The following FOXP1 variants were observed in gnomAD, a reference collection of about 807,000 sequenced individuals.
The protein encoded by FOXP1 is forkhead box P1, also known as forkhead box protein P1.
Under a neutral mutation model 98.2 loss-of-function variants are expected in FOXP1, and 15 were observed. The observed-to-expected ratio is 0.15, with a 90% CI of 0.10 to 0.24. The LOEUF (loss-of-function observed/expected upper bound fraction) is 0.24, where lower values mean the gene tolerates loss of function less well. FOXP1 is among the 10% of genes least tolerant of loss of function. The probability of loss-of-function intolerance (pLI) is 1.00; values close to 1 mark genes in which losing one functional copy is unlikely to be tolerated. For synonymous variants in FOXP1, 371 were observed against 314.5 expected (o/e 1.18, Z -1.90); for missense variants, 633 against 848.5 (o/e 0.75, Z 3.15).
At chr3:71,192,547 T>G (rs917548801) in intron 6 of FOXP1, among the ~76,000 whole-genome samples, 21 of 152,264 alleles carry the variant, frequency 1.4e-4, no homozygotes, top group Admixed American at 7.8e-4. Flanking sequence ...ACAGCTTTCT[T>G]CTTCTACTCA....
intron 6 of FOXP1, among the ~76,000 whole-genome samples, chr3:71,146,211 C>T (rs1472837358): frequency 6.6e-6 from 1 of 152,126 alleles, no homozygotes; most frequent in Non-Finnish European, 1.5e-5. Context: ...GATGTCTTCC[C>T]GTCCTCTGTT....
chr3:71,223,831 T>C (rs926994414), intron 5 of FOXP1, among the ~76,000 whole-genome samples: 5 of 152,292 alleles, frequency 3.3e-5, no homozygotes, highest in African/African-American at 9.6e-5. Context: ...GAGTACCCCA[T>C]TACTGCTTCA....
intron 5 of FOXP1, among the ~76,000 whole-genome samples, chr3:71,272,301 C>T (rs1352683613): frequency 6.6e-6 from 1 of 152,156 alleles, no homozygotes; most frequent in African/African-American, 2.4e-5. Context: ...AAATAATATG[C>T]ACAATTTTCT....
chr3:71,542,328 T>C (rs1196312484), intron 2 of FOXP1, among the ~76,000 whole-genome samples: 1 of 152,170 alleles, frequency 6.6e-6, no homozygotes, highest in Non-Finnish European at 1.5e-5. Flanking sequence ...CCCAATGTAA[T>C]AAGCTTTTGA....
At chr3:71,120,011 G>T (rs961606535) in intron 6 of FOXP1, among the ~76,000 whole-genome samples, 2 of 152,204 alleles carry the variant, frequency 1.3e-5, no homozygotes, top group Non-Finnish European at 2.9e-5. Flanking sequence ...TTCAAAGAAA[G>T]ATTCCAATAC....
chr3:71,268,017 C>CA (rs377710886), intron 5 of FOXP1, among the ~76,000 whole-genome samples: 1,757 of 94,940 alleles, frequency 0.019, 25 homozygotes, highest in Non-Finnish European at 0.022. Flanking sequence ...GACTCCGTCT[C>CA]AAAAAAAAAA....
At chr3:71,220,442 G>C (rs1158311252) in intron 5 of FOXP1, among the ~76,000 whole-genome samples, 1 of 152,132 alleles carries the variant, frequency 6.6e-6, no homozygotes, top group African/African-American at 2.4e-5. Context: ...CACTTGAAAG[G>C]GAATGAGTCA....
chr3:71,388,124 G>A (rs1356373638), intron 3 of FOXP1, among the ~76,000 whole-genome samples: 1 of 151,994 alleles, frequency 6.6e-6, no homozygotes, highest in Non-Finnish European at 1.5e-5. Context: ...TAGACTCATC[G>A]TAAATCATTT....
At chr3:71,278,701 G>T (rs1390189846) in intron 5 of FOXP1, among the ~76,000 whole-genome samples, 12 of 152,162 alleles carry the variant, frequency 7.9e-5, no homozygotes, top group Admixed American at 7.9e-4. Context: ...GAATCCACTT[G>T]AACATGGGAG....
chr3:71,047,141 A>G (rs781537304), intron 9 of FOXP1, 46 bp from the exon 10 acceptor site: 1 of 1,610,796 alleles, frequency 6.2e-7, no homozygotes, highest in Admixed American at 1.7e-5. Context: ...CTTCCCAAGG[A>G]AGGTTAAAAG....
At chr3:71,271,488 A>G (rs1299451862) in intron 5 of FOXP1, among the ~76,000 whole-genome samples, 2 of 152,250 alleles carry the variant, frequency 1.3e-5, no homozygotes, top group Non-Finnish European at 2.9e-5. Flanking sequence ...ATTTCAGGAA[A>G]AAAGCAATCT....
intron 4 of FOXP1, among the ~76,000 whole-genome samples, chr3:71,313,049 C>T (rs201043418): frequency 1.5e-5 from 2 of 129,074 alleles, no homozygotes; most frequent in African/African-American, 2.6e-5. Flanking sequence ...CACAATGAAA[C>T]TTTAATTCTT....
chr3:71,130,798 A>T, intron 6 of FOXP1: 1 of 1,436,830 alleles, frequency 7.0e-7, no homozygotes, highest in East Asian at 2.5e-5. Flanking sequence ...TTCAAAGTTG[A>T]AAGATCAGTT....
At chr3:71,297,251 G>A (rs1291956222) in intron 5 of FOXP1, among the ~76,000 whole-genome samples, 1 of 152,128 alleles carries the variant, frequency 6.6e-6, no homozygotes, top group Non-Finnish European at 1.5e-5. Flanking sequence ...TAGTGATTAT[G>A]AAGAAAGCAT....
intron 3 of FOXP1, among the ~76,000 whole-genome samples, chr3:71,487,119 C>T (rs1259315868): frequency 6.6e-6 from 1 of 151,532 alleles, no homozygotes; most frequent in East Asian, 1.9e-4. Flanking sequence ...AAGAGAGCGA[C>T]ATAGACTCAT....
intron 3 of FOXP1, among the ~76,000 whole-genome samples, chr3:71,486,764 C>G (rs889410826): frequency 6.6e-6 from 1 of 152,142 alleles, no homozygotes; most frequent in Admixed American, 6.5e-5. Flanking sequence ...CTTCTCTTTG[C>G]TTCTGTGCAT....
At chr3:71,046,106 C>G (rs2049004372) in intron 10 of FOXP1, among the ~76,000 whole-genome samples, 1 of 152,136 alleles carries the variant, frequency 6.6e-6, no homozygotes, top group Admixed American at 6.6e-5. Flanking sequence ...TCTTGACATC[C>G]CTTCCTCCTT....
At chr3:71,253,678 A>G (rs2068402583) in intron 5 of FOXP1, among the ~76,000 whole-genome samples, 2 of 152,332 alleles carry the variant, frequency 1.3e-5, no homozygotes, top group African/African-American at 4.8e-5. Flanking sequence ...TAATTTTAAA[A>G]AATATTAATA....
At chr3:71,419,707 G>T (rs996576924) in intron 3 of FOXP1, among the ~76,000 whole-genome samples, 1 of 152,170 alleles carries the variant, frequency 6.6e-6, no homozygotes, top group Non-Finnish European at 1.5e-5. Context: ...ACCCCGGGTG[G>T]TAAGTGGGAT....
Sources: gnomAD v4.1 joint callset for allele counts (sites outside exome capture counted in the v4.1 genomes callset) on GRCh38, gnomAD v4.1.1 for gene constraint, MANE v1.5 for transcripts, NCBI Gene and HGNC (gene_info 2026-07-23, HGNC 2026-07-21) for gene names.